The following ZNF827 variants were observed in gnomAD, a reference collection of about 807,000 sequenced individuals.
ZNF827 encodes zinc finger protein 827.
Under a neutral mutation model 102.4 loss-of-function variants are expected in ZNF827, and 13 were observed. That is an observed-to-expected ratio of 0.13 (90% CI 0.08 to 0.20). The LOEUF (loss-of-function observed/expected upper bound fraction) is 0.20. ZNF827 is among the 10% of genes least tolerant of loss of function. The probability of loss-of-function intolerance (pLI) is 1.00; values close to 1 mark genes in which losing one functional copy is unlikely to be tolerated. For missense variants in ZNF827, 1,103 were observed against 1,344.4 expected (o/e 0.82, Z 2.81); for synonymous variants, 523 against 536.2 (o/e 0.98, Z 0.34).
chr4:145,837,641 A>C (rs867986968), intron 7 of ZNF827, among the ~76,000 whole-genome samples: 1 of 152,162 alleles, frequency 6.6e-6, no homozygotes, highest in African/African-American at 2.4e-5. Flanking sequence ...CTGCCACTCT[A>C]AACTCTTGAA....
At chr4:145,850,852 C>T (rs546458358) in intron 5 of ZNF827, among the ~76,000 whole-genome samples, 1 of 152,234 alleles carries the variant, frequency 6.6e-6, no homozygotes, top group South Asian at 2.1e-4. Context: ...CATCTACATC[C>T]TAATCATGGG....
At chr4:145,812,820 G>A (rs1157815855) in intron 8 of ZNF827, among the ~76,000 whole-genome samples, 3 of 152,264 alleles carry the variant, frequency 2.0e-5, no homozygotes, top group Admixed American at 2.0e-4. Flanking sequence ...GAGCCACCAC[G>A]CCTGACCTAA....
intron 8 of ZNF827, among the ~76,000 whole-genome samples, chr4:145,789,623 AG>A (rs1351259377): frequency 6.6e-6 from 1 of 152,222 alleles, no homozygotes; most frequent in Non-Finnish European, 1.5e-5. Flanking sequence ...CTAGCTGGTA[AG>A]TGATAGCCTT....
chr4:145,810,994 T>G (rs973871743), intron 8 of ZNF827, among the ~76,000 whole-genome samples: 1 of 66,228 alleles, frequency 1.5e-5, no homozygotes, highest in Non-Finnish European at 3.3e-5. Context: ...CTCATTTCGC[T>G]TTTTTTTTTT....
chr4:145,917,719 A>G lies in ZNF827; in HGVS notation c.44-14504T>C, dbSNP rs916406219. ...GCTGGTCAAAAAAAAAAAAAAAAAA[A>G]AAAAAAAGAAAAGAAAAAACAACAT... On this transcript the variant is annotated intron_variant, in intron 1 of 14. Transcript: ENST00000508784. 5.4e-5 allele frequency among the ~76,000 whole-genome samples: 8 copies of G among 146,992 alleles called. 1 individual carries two copies. Among genetic ancestry groups the G allele is most frequent in the African/African-American group, 1.3e-4 (5 of 38,092 alleles).
chr4:145,903,297 A>C, intron 1 of ZNF827, 82 bp from the exon 2 acceptor site: 1 of 1,495,724 alleles, frequency 6.7e-7, no homozygotes, highest in Non-Finnish European at 8.9e-7. Flanking sequence ...AGGTGATGAC[A>C]TGCTTTCTCT....
In ZNF827 at chr4:145,870,479, C is replaced by T. The variant is rs1350365850; in HGVS notation, c.1748-1G>A. The T allele has an allele frequency of 6.2e-7, 1 of 1,609,804 alleles. No homozygotes were observed. Among genetic ancestry groups the T allele is most frequent in the Admixed American group, 1.7e-5 (1 of 58,486 alleles). ...TTCATGGGCTCCTTCTGATTTGCAG[C>T]TGTCAAAAGAAAAAAAGGGATTATA... On this transcript the variant is annotated splice_acceptor_variant, in intron 4 of 14. Coordinates refer to ENST00000508784, the MANE Select transcript of ZNF827 (RefSeq NM_001306215.2). LOFTEE classifies it high-confidence loss of function.
At chr4:145,867,622 T>G (rs1376363805) in intron 5 of ZNF827, among the ~76,000 whole-genome samples, 1 of 152,198 alleles carries the variant, frequency 6.6e-6, no homozygotes, top group Admixed American at 6.5e-5. Context: ...TAGCTACTCC[T>G]TGGGTCAAAA....
intron 7 of ZNF827, among the ~76,000 whole-genome samples, chr4:145,826,722 C>T (rs564705606): frequency 6.6e-6 from 1 of 152,274 alleles, no homozygotes; most frequent in Admixed American, 6.5e-5. Flanking sequence ...TCAGTACTAT[C>T]TGAGGTTTCC....
At chr4:145,895,048 C>A (rs1260089669) in intron 2 of ZNF827, among the ~76,000 whole-genome samples, 1 of 152,024 alleles carries the variant, frequency 6.6e-6, no homozygotes, top group African/African-American at 2.4e-5. Flanking sequence ...AAGAGATAAA[C>A]AAACAGGCTG....
intron 5 of ZNF827, among the ~76,000 whole-genome samples, chr4:145,860,574 T>C (rs1747609202): frequency 6.6e-6 from 1 of 152,124 alleles, no homozygotes; most frequent in Admixed American, 6.6e-5. Context: ...CCCTCCTCTC[T>C]CCAGCTGTGG....
At chr4:145,846,793 A>G in intron 6 of ZNF827, among the ~76,000 whole-genome samples, 1 of 145,686 alleles carries the variant, frequency 6.9e-6, no homozygotes, top group East Asian at 2.1e-4. Flanking sequence ...CTCCAGCCTG[A>G]GCAACAGAGC....
chr4:145,908,258 G>A (rs1752025969), intron 1 of ZNF827, among the ~76,000 whole-genome samples: 2 of 152,126 alleles, frequency 1.3e-5, no homozygotes, highest in African/African-American at 4.8e-5. Context: ...AAATCTACTC[G>A]CAAACTATTC....
intron 6 of ZNF827, among the ~76,000 whole-genome samples, chr4:145,846,765 C>T (rs906967541): frequency 5.6e-5 from 8 of 142,470 alleles, no homozygotes; most frequent in Admixed American, 2.1e-4. Context: ...TGCAGCGAGC[C>T]GAGATCGCGC....
Position 145,932,017 on chromosome 4 carries a change from A to G in ZNF827, c.43+6348T>C, listed in dbSNP as rs141872772. Among the ~76,000 whole-genome samples the G allele has an allele frequency of 2.2e-3, 341 of 152,250 alleles. 1 individual carries two copies. The highest frequency in any genetic ancestry group is 7.8e-3 in the African/African-American group (324 of 41,534). On this transcript the variant is annotated intron_variant, in intron 1 of 14. Coordinates refer to ENST00000508784, the MANE Select transcript of ZNF827 (RefSeq NM_001306215.2). ...GGGTAGACCTCTCAAGAAAGGAATTAGTGCGTTTATAAAAGGGGCCCTAGG... is the reference window on the plus strand; with the variant it reads ...GGGTAGACCTCTCAAGAAAGGAATTGGTGCGTTTATAAAAGGGGCCCTAGG...
At chr4:145,846,447 C>T (rs1745953323) in intron 6 of ZNF827, among the ~76,000 whole-genome samples, 1 of 150,230 alleles carries the variant, frequency 6.7e-6, no homozygotes, top group African/African-American at 2.5e-5. Context: ...CACTACACTC[C>T]AGCCTGAGCA....
intron 5 of ZNF827, among the ~76,000 whole-genome samples, chr4:145,858,084 C>T (rs916098767): frequency 6.6e-6 from 1 of 151,652 alleles, no homozygotes; most frequent in East Asian, 1.9e-4. Context: ...GAATAATAGG[C>T]CTTTATATAT....
intron 1 of ZNF827, among the ~76,000 whole-genome samples, chr4:145,924,854 C>A (rs998544921): frequency 5.3e-5 from 8 of 152,300 alleles, no homozygotes; most frequent in African/African-American, 1.7e-4. Context: ...AATGAAGTCC[C>A]TTATCTTAGT....
intron 5 of ZNF827, among the ~76,000 whole-genome samples, chr4:145,849,804 G>A (rs569582247): frequency 8.3e-4 from 126 of 152,302 alleles, no homozygotes; most frequent in African/African-American, 2.4e-3. Flanking sequence ...ATCACAGATG[G>A]TAGCAGGGCC....
Sources: allele counts gnomAD v4.1 joint callset (sites outside exome capture counted in the v4.1 genomes callset), GRCh38; gene constraint gnomAD v4.1.1; transcripts MANE v1.5; gene names NCBI Gene and HGNC (gene_info 2026-07-23, HGNC 2026-07-21).